The following RFC1 variants were observed in gnomAD, a reference collection of about 807,000 sequenced individuals.
RFC1 encodes replication factor C subunit 1, also known as A1 140 kDa subunit.
In RFC1, 37 loss-of-function variants were observed where a neutral mutation model predicts 137.4. The ratio of observed to expected loss-of-function variants is 0.27; its 90% CI spans 0.21 to 0.35. The LOEUF (loss-of-function observed/expected upper bound fraction) is 0.35, where lower values mean the gene tolerates loss of function less well. RFC1 is among the 10% of genes least tolerant of loss of function. RFC1 has a pLI of 1.00. For missense variants in RFC1, 1,205 were observed against 1,358.5 expected (o/e 0.89, Z 1.78); for synonymous variants, 429 against 455.7 (o/e 0.94, Z 0.75).
chr4:39,288,697 T>C lies in RFC1; in HGVS notation c.*64A>G. On this transcript the variant is annotated 3_prime_UTR_variant, in exon 25 of 25. Transcript: ENST00000349703. ...TGCTCTGGGAAAAAACAAGGCTTTC[T>C]CTAGACCAGCTGGACTGGTCAGGAG... The C allele has an allele frequency of 9.6e-7, 1 of 1,045,502 alleles. No individual in the cohort carries two copies. The allele number at this position is 1,045,502 out of a possible 1,614,324, so 64.8% of individuals were successfully genotyped here.
intron 2 of RFC1, among the ~76,000 whole-genome samples, chr4:39,350,872 T>G (rs1357957339): frequency 6.6e-6 from 1 of 152,168 alleles, no homozygotes; most frequent in Non-Finnish European, 1.5e-5. Flanking sequence ...TTTTAAAAAA[T>G]ACACATCTAT....
At position 39,316,956 on chromosome 4, in the gene RFC1, G is replaced by T. The variant is rs1035947105; in HGVS notation, c.1162C>A (p.Arg388=). The change falls in exon 10 of 25, where the codon CGA becomes AGA. Residue 388 remains arginine, a synonymous_variant. Transcript: ENST00000349703. ...GAGCCCAGAGCCTTGGGACCTTCTC[G>T]ATTTAAGTAGCTTCGATAAGCTTGA... ...NYQAYRSYLN[R]EGPKALGSKE... The T allele has an allele frequency of 1.9e-6, 3 of 1,613,866 alleles. No homozygotes were observed. Among genetic ancestry groups the T allele is most frequent in the Non-Finnish European group, 2.5e-6 (3 of 1,179,926 alleles).
intron 13 of RFC1, 63 bp from the exon 14 acceptor site, chr4:39,306,764 G>T: frequency 1.1e-6 from 1 of 925,462 alleles, no homozygotes; most frequent in Non-Finnish European, 1.8e-6. Flanking sequence ...TTCAAGCATG[G>T]CAGAAATAGT....
chr4:39,323,287 AAC>A (rs1200591662), intron 7 of RFC1, 51 bp downstream of exon 7: 2 of 1,389,392 alleles, frequency 1.4e-6, no homozygotes, highest in Admixed American at 3.7e-5. Flanking sequence ...CGCAAGTATG[AAC>A]ACTGATCTGT....
intron 3 of RFC1, among the ~76,000 whole-genome samples, chr4:39,345,109 G>A (rs1740783764): frequency 6.6e-6 from 1 of 152,134 alleles, no homozygotes; most frequent in African/African-American, 2.4e-5. Context: ...CTGCCTCTGG[G>A]ATTCAAGCAA....
At chr4:39,339,946 G>A (rs1740534868) in intron 4 of RFC1, among the ~76,000 whole-genome samples, 1 of 152,172 alleles carries the variant, frequency 6.6e-6, no homozygotes, top group Admixed American at 6.5e-5. Flanking sequence ...AAAGGCAGAT[G>A]TAGGCTTATA....
chr4:39,349,198 GGAAT>G (rs1437877101), intron 2 of RFC1, among the ~76,000 whole-genome samples: 1 of 152,128 alleles, frequency 6.6e-6, no homozygotes, highest in Non-Finnish European at 1.5e-5. Context: ...CTGTTATGAT[GGAAT>G]GAATGTATTT....
At chr4:39,364,272 A>G (rs1741911957) in intron 1 of RFC1, among the ~76,000 whole-genome samples, 1 of 151,866 alleles carries the variant, frequency 6.6e-6, no homozygotes, top group African/African-American at 2.4e-5. Context: ...GAGGGAAAAA[A>G]AAAAAAAAGA....
chr4:39,292,506 C>T (rs537411208), intron 22 of RFC1, among the ~76,000 whole-genome samples: 1 of 152,264 alleles, frequency 6.6e-6, no homozygotes, highest in Non-Finnish European at 1.5e-5. Flanking sequence ...AATGTTGTCA[C>T]TTCTTAAAGA....
chr4:39,318,230 C>A (rs545236424), intron 9 of RFC1, among the ~76,000 whole-genome samples: 1 of 152,192 alleles, frequency 6.6e-6, no homozygotes, highest in South Asian at 2.1e-4. Context: ...AAGCCATTAA[C>A]AGGCTGGTCC....
At chr4:39,356,509 T>C (rs1431989622) in intron 1 of RFC1, among the ~76,000 whole-genome samples, 1 of 152,234 alleles carries the variant, frequency 6.6e-6, no homozygotes, top group Non-Finnish European at 1.5e-5. Flanking sequence ...AAATAAATGG[T>C]AGATTTGTTT....
chr4:39,299,735 C>A, intron 21 of RFC1, among the ~76,000 whole-genome samples: 1 of 150,814 alleles, frequency 6.6e-6, no homozygotes, highest in South Asian at 2.1e-4. Flanking sequence ...AGAGCCATAA[C>A]ATTTATCTGG....
chr4:39,319,209 A>ATTC (rs1263574478), intron 9 of RFC1, among the ~76,000 whole-genome samples: 1 of 152,154 alleles, frequency 6.6e-6, no homozygotes, highest in Non-Finnish European at 1.5e-5. Flanking sequence ...TATTATTATT[A>ATTC]TTCCTATTTT....
intron 4 of RFC1, among the ~76,000 whole-genome samples, chr4:39,335,524 G>A (rs1740304375): frequency 6.6e-6 from 1 of 152,112 alleles, no homozygotes; most frequent in African/African-American, 2.4e-5. Context: ...AATTCGTGGG[G>A]TCTAGTGAGG....
intron 7 of RFC1, 61 bp downstream of exon 7, chr4:39,323,279 C>T (rs1486942977): frequency 4.7e-6 from 6 of 1,264,210 alleles, no homozygotes; most frequent in Middle Eastern, 1.9e-4. Context: ...CTAGAACACG[C>T]AAGTATGAAC....
chr4:39,303,092 T>C lies in RFC1; in HGVS notation c.2170A>G (p.Met724Val), dbSNP rs1738452181. The change falls in exon 16 of 25, where the codon ATG becomes GTG. Residue 724 changes from methionine (M) to valine (V), a missense_variant. Coordinates refer to ENST00000349703, the MANE Select transcript of RFC1 (RefSeq NM_002913.5). ...HALIMDEVDG[M>V]AGNEDRGGIQ... ...CCTCCCCTATCCTCATTGCCTGCCA[T>C]GCCATCTACTTCATCCATGATGAGA... 3 of 1,613,848 alleles carry C rather than the reference T, an allele frequency of 1.9e-6. No homozygotes were observed. Among genetic ancestry groups the C allele is most frequent in the African/African-American group, 1.3e-5 (1 of 74,922 alleles).
In RFC1 at chr4:39,347,574, A is replaced by G. The variant is rs1217160524; in HGVS notation, c.133-2098T>C. ...ACAAACAAACAAACAAAAACAAAAC[A>G]AAACCTAAAATACAGAAGTGACTTT... On this transcript the variant is annotated intron_variant, in intron 2 of 24. Transcript: ENST00000349703. 3.9e-5 allele frequency among the ~76,000 whole-genome samples: 6 copies of G among 152,326 alleles called. No individual in the cohort carries two copies. The South Asian group carries it at 1.0e-3, about 26-fold the overall frequency.
At chr4:39,294,390 G>A (rs1269185248) in intron 22 of RFC1, among the ~76,000 whole-genome samples, 2 of 152,164 alleles carry the variant, frequency 1.3e-5, no homozygotes, top group African/African-American at 2.4e-5. Flanking sequence ...ATGAATCCAG[G>A]GGCCGGGCGT....
At chr4:39,295,922 A>G (rs763774942) in intron 21 of RFC1, 163 bp from the exon 22 acceptor site, 20 of 512,976 alleles carry the variant, frequency 3.9e-5, no homozygotes, top group African/African-American at 2.5e-4. Flanking sequence ...CTGCTGGTAC[A>G]GGAAACTTCT....
Sources: gnomAD v4.1 joint callset for allele counts (sites outside exome capture counted in the v4.1 genomes callset) on GRCh38, gnomAD v4.1.1 for gene constraint, MANE v1.5 for transcripts, NCBI Gene and HGNC (gene_info 2026-07-23, HGNC 2026-07-21) for gene names.